LUZP2: variants seen among roughly 807,000 people sequenced by gnomAD.
LUZP2 encodes the protein leucine zipper protein 2.
Under a neutral mutation model 51.6 loss-of-function variants are expected in LUZP2, and 52 were observed. The ratio of observed to expected loss-of-function variants is 1.01; its 90% CI spans 0.81 to 1.27. The LOEUF is 1.27. Ranked by LOEUF, LUZP2 falls within the 50% of genes most tolerant of loss-of-function variation. The probability of loss-of-function intolerance (pLI) is 0.00; values close to 1 mark genes in which losing one functional copy is unlikely to be tolerated. For synonymous variants in LUZP2, 154 were observed against 137.3 expected, an observed-to-expected ratio of 1.12 and a Z score of -0.85; for missense variants, 436 against 395.4, an observed-to-expected ratio of 1.10 and a Z score of -0.87.
chr11:24,632,003 T>A (rs1038954682), intron 1 of LUZP2, among the ~76,000 whole-genome samples: 1 of 152,008 alleles, frequency 6.6e-6, no homozygotes, highest in African/African-American at 2.4e-5. Context: ...TGACCCACAA[T>A]CAAAATGTAA....
intron 9 of LUZP2, among the ~76,000 whole-genome samples, chr11:25,039,620 G>C (rs1019984363): frequency 6.6e-6 from 1 of 152,072 alleles, no homozygotes; most frequent in East Asian, 1.9e-4. Flanking sequence ...TCTAATACCT[G>C]GGGAGATCCC....
intron 1 of LUZP2, among the ~76,000 whole-genome samples, chr11:24,534,820 A>G (rs1564975049): frequency 6.6e-6 from 1 of 151,394 alleles, no homozygotes; most frequent in Non-Finnish European, 1.5e-5. Flanking sequence ...TGTGCTTAAT[A>G]AAATATTTAT....
chr11:24,599,233 A>T (rs1853543810), intron 1 of LUZP2, among the ~76,000 whole-genome samples: 1 of 152,166 alleles, frequency 6.6e-6, no homozygotes, highest in Non-Finnish European at 1.5e-5. Context: ...CTAAAGAGAA[A>T]CTACTTTTCC....
chr11:24,796,785 T>C (rs1194439207), intron 5 of LUZP2, among the ~76,000 whole-genome samples: 2 of 152,162 alleles, frequency 1.3e-5, no homozygotes, highest in East Asian at 1.9e-4. Context: ...ACAAGTTTTT[T>C]TTGGTTTTGA....
At chr11:24,520,059 G>A (rs1421339263) in intron 1 of LUZP2, among the ~76,000 whole-genome samples, 1 of 152,098 alleles carries the variant, frequency 6.6e-6, no homozygotes, top group African/African-American at 2.4e-5. Context: ...ACATAGCTAT[G>A]TGATTTTTAA....
At chr11:24,927,202 A>G (rs917137415) in intron 7 of LUZP2, among the ~76,000 whole-genome samples, 1 of 150,012 alleles carries the variant, frequency 6.7e-6, no homozygotes, top group South Asian at 2.1e-4. Context: ...ATATTTTCTT[A>G]CTCTTTGGGT....
At chr11:24,723,318 C>T (rs1454989391) in intron 1 of LUZP2, among the ~76,000 whole-genome samples, 1 of 152,170 alleles carries the variant, frequency 6.6e-6, no homozygotes, top group Admixed American at 6.5e-5. Flanking sequence ...CTGTTATTTG[C>T]TAAAGTAGAA....
intron 5 of LUZP2, among the ~76,000 whole-genome samples, chr11:24,853,888 T>A (rs531654480): frequency 3.4e-4 from 52 of 152,278 alleles, no homozygotes; most frequent in African/African-American, 1.2e-3. Context: ...CAGCTACAGG[T>A]CTGTTGGAGT....
At chr11:24,686,881 T>C (rs145344232) in intron 1 of LUZP2, among the ~76,000 whole-genome samples, 1,805 of 152,256 alleles carry the variant, frequency 0.012, 15 homozygotes, top group Middle Eastern at 0.027. Flanking sequence ...GAGAGTTGCT[T>C]GTTAACATTG....
chr11:24,631,740 T>G (rs539058597), intron 1 of LUZP2, among the ~76,000 whole-genome samples: 9 of 151,090 alleles, frequency 6.0e-5, no homozygotes, highest in Admixed American at 1.3e-4. Context: ...TCTTGATTTT[T>G]GGGAGCTTTA....
chr11:24,635,477 T>C (rs1485523519), intron 1 of LUZP2, among the ~76,000 whole-genome samples: 1 of 151,998 alleles, frequency 6.6e-6, no homozygotes, highest in Non-Finnish European at 1.5e-5. Context: ...CATTTCAATC[T>C]ACATTAAAAT....
chr11:25,040,117 A>G (rs564635903), intron 9 of LUZP2, among the ~76,000 whole-genome samples: 2 of 152,256 alleles, frequency 1.3e-5, no homozygotes, highest in African/African-American at 4.8e-5. Context: ...TAAATCATAG[A>G]AGAATAAAAT....
At chr11:24,608,024 T>G (rs1853991321) in intron 1 of LUZP2, among the ~76,000 whole-genome samples, 1 of 151,820 alleles carries the variant, frequency 6.6e-6, no homozygotes, top group South Asian at 2.1e-4. Flanking sequence ...AATTTTTTTG[T>G]ATTTTTAGTA....
chr11:24,922,330 G>A (rs1447129545), intron 7 of LUZP2, among the ~76,000 whole-genome samples: 1 of 152,148 alleles, frequency 6.6e-6, no homozygotes, highest in Non-Finnish European at 1.5e-5. Flanking sequence ...CTCTTGAAGA[G>A]AGGGCATTGC....
chr11:24,506,060 C>A (rs1850138315), intron 1 of LUZP2, among the ~76,000 whole-genome samples: 2 of 152,072 alleles, frequency 1.3e-5, no homozygotes, highest in South Asian at 4.2e-4. Context: ...AGACAATTGA[C>A]AAGTTGAAGG....
intron 7 of LUZP2, among the ~76,000 whole-genome samples, chr11:24,970,633 T>A (rs1855713805): frequency 6.6e-6 from 1 of 152,176 alleles, no homozygotes; most frequent in South Asian, 2.1e-4. Flanking sequence ...CAATAAAATG[T>A]AATAATCTAG....
At chr11:24,721,142 A>C (rs904569462) in intron 1 of LUZP2, among the ~76,000 whole-genome samples, 4 of 152,224 alleles carry the variant, frequency 2.6e-5, no homozygotes, top group African/African-American at 9.6e-5. Context: ...TTGGAGTGTC[A>C]CATGACCAAA....
chr11:24,891,673 A>G, intron 5 of LUZP2: 1 of 765,806 alleles, frequency 1.3e-6, no homozygotes, highest in Non-Finnish European at 1.6e-6. Flanking sequence ...CAGGAATAAC[A>G]CTGTACTTGT....
intron 1 of LUZP2, among the ~76,000 whole-genome samples, chr11:24,603,146 T>C (rs1853803732): frequency 6.6e-6 from 1 of 151,736 alleles, no homozygotes; most frequent in South Asian, 2.1e-4. Context: ...GTATGACAGG[T>C]AGCTTCTTTT....
Sources: allele counts gnomAD v4.1 joint callset (sites outside exome capture counted in the v4.1 genomes callset), GRCh38; gene constraint gnomAD v4.1.1; transcripts MANE v1.5; gene names NCBI Gene and HGNC (gene_info 2026-07-23, HGNC 2026-07-21).